Variants in YME1L1 observed in about 807,000 individuals in gnomAD.
YME1L1 encodes YME1 like 1 ATPase.
Under a neutral mutation model 90.4 loss-of-function variants are expected in YME1L1, and 39 were observed. The ratio of observed to expected loss-of-function variants is 0.43; its 90% CI spans 0.33 to 0.56. The LOEUF (loss-of-function observed/expected upper bound fraction) is 0.56. Among genes scored for constraint, YME1L1 ranks in the 20% least tolerant of loss-of-function variants. The pLI is 0.03. For missense variants in YME1L1, 617 were observed against 868.4 expected (o/e 0.71, Z 3.64); for synonymous variants, 284 against 287.3 (o/e 0.99, Z 0.12).
Position 27,116,143 on chromosome 10 carries a change from A to C in YME1L1, c.1847-10T>G. On this transcript the variant is annotated splice_polypyrimidine_tract_variant and intron_variant, in intron 16 of 18. Transcript: ENST00000376016. The stretch of plus-strand genomic sequence containing the variant: ...AAATCACTGGAAGCACCTAAAATAA[A>C]ATAAAAACATACCATTTTAAAACAT... 1 of 1,613,726 alleles carries C rather than the reference A, an allele frequency of 6.2e-7. No homozygotes were observed. The highest frequency in any genetic ancestry group is 8.5e-7 in the Non-Finnish European group (1 of 1,179,870).
chr10:27,128,720 C>T (rs1011923304), intron 8 of YME1L1, among the ~76,000 whole-genome samples: 45 of 151,096 alleles, frequency 3.0e-4, no homozygotes, highest in South Asian at 4.2e-4. Context: ...GCCTGGGCAA[C>T]GCAGCTAAAT....
intron 10 of YME1L1, 36 bp from the exon 11 acceptor site, chr10:27,123,009 A>T (rs1380940471): frequency 2.5e-6 from 4 of 1,597,776 alleles, no homozygotes; most frequent in Middle Eastern, 1.7e-4. Flanking sequence ...AAGCTGAAAG[A>T]AAGTCAACAC....
intron 7 of YME1L1, among the ~76,000 whole-genome samples, chr10:27,133,144 A>C (rs1274812812): frequency 6.6e-6 from 1 of 152,246 alleles, no homozygotes; most frequent in African/African-American, 2.4e-5. Flanking sequence ...ATTGAGGCTT[A>C]ACACATTATT....
At chr10:27,117,845 C>T in intron 14 of YME1L1, 118 bp from the exon 15 acceptor site, 4 of 1,025,086 alleles carry the variant, frequency 3.9e-6, no homozygotes, top group Non-Finnish European at 5.7e-6. Flanking sequence ...ATTCTGCATC[C>T]ATAGATTCAA....
intron 3 of YME1L1, among the ~76,000 whole-genome samples, chr10:27,144,711 C>A (rs1466255309): frequency 6.6e-6 from 1 of 152,062 alleles, no homozygotes; most frequent in Non-Finnish European, 1.5e-5. Context: ...CAAACAACGC[C>A]CCCCCATTCT....
At chr10:27,138,739 TATA>T (rs1168217446) in intron 4 of YME1L1, among the ~76,000 whole-genome samples, 4 of 152,164 alleles carry the variant, frequency 2.6e-5, no homozygotes, top group African/African-American at 9.6e-5. Context: ...ACCTGCAAAT[TATA>T]ATTTTACTCC....
chr10:27,140,707 G>A (rs555317349), intron 4 of YME1L1, among the ~76,000 whole-genome samples: 2 of 152,062 alleles, frequency 1.3e-5, no homozygotes, highest in East Asian at 3.9e-4. Context: ...TTGAACTTCT[G>A]ACCTTGTGAT....
chr10:27,117,620 T>C lies in YME1L1; in HGVS notation c.1675A>G (p.Ile559Val), dbSNP rs200047558. 51 of 1,614,088 alleles carry C rather than the reference T, an allele frequency of 3.2e-5. No homozygotes were observed. The highest frequency in any genetic ancestry group is 9.9e-5 in the South Asian group (9 of 91,082). Residue 559 changes from isoleucine (I) to valine (V), a missense_variant, in exon 15 of 19, where the codon ATC (isoleucine) becomes GTC (valine). Physicochemically the swap from Ile to Val is conservative, Grantham distance 29. Coordinates refer to ENST00000376016, the MANE Select transcript of YME1L1 (RefSeq NM_014263.4). ...IAYYTKDAMPINKATIMPRGP... is the reference protein window; with the variant it reads ...IAYYTKDAMPVNKATIMPRGP... ...CGTGGCATGATTGTAGCTTTGTTGA[T>C]AGGCATTGCATCTTTTGTGTAATAT... is the stretch of plus-strand genomic sequence containing the variant.
chr10:27,145,774 T>C lies in YME1L1; in HGVS notation c.169-184A>G, dbSNP rs190308833. The C allele has an allele frequency of 1.3e-5, 6 of 477,696 alleles. No homozygotes were observed. In the South Asian group the frequency reaches 2.6e-4, roughly 21 times the overall value. 29.6% of individuals were successfully genotyped at this position (477,696 alleles called of 1,614,324 possible). A position where few individuals can be genotyped will look rare whatever the true frequency, so the allele number is the denominator to read the frequency against. On this transcript the variant is annotated intron_variant, in intron 2 of 18. Transcript: ENST00000376016. ...GTTCGTTTTACTGAGATCAGTCATA[T>C]GAGGTTTGACATAGGTTAAAAAATT... is the stretch of plus-strand genomic sequence containing the variant.
chr10:27,122,535 C>T (rs981680529), intron 11 of YME1L1, among the ~76,000 whole-genome samples: 6 of 152,126 alleles, frequency 3.9e-5, no homozygotes, highest in South Asian at 4.2e-4. Flanking sequence ...CTACTAGTCT[C>T]GGCATAAATC....
rs1023913609 is a variant in YME1L1 at position 27,120,412 on chromosome 10, C to G, written c.1411+23G>C. On this transcript the variant is annotated intron_variant, in intron 13 of 18. Coordinates refer to ENST00000376016, the MANE Select transcript of YME1L1 (RefSeq NM_014263.4). ...GTATATTACCACTTTACAGAAATGA[C>G]AAATGTTTGTTTTGATACTTACATT... The G allele has an allele frequency of 1.6e-5, 25 of 1,558,344 alleles. No individual in the cohort carries two copies. The East Asian group carries it at 5.4e-4, about 34-fold the overall frequency.
At chr10:27,143,581 C>T (rs1409460672) in intron 3 of YME1L1, among the ~76,000 whole-genome samples, 1 of 149,440 alleles carries the variant, frequency 6.7e-6, no homozygotes, top group Non-Finnish European at 1.5e-5. Context: ...GCGTGTAGTC[C>T]CAGCTGCTCG....
At chr10:27,147,695 G>T (rs1275122821) in intron 2 of YME1L1, 1 of 1,549,076 alleles carries the variant, frequency 6.5e-7, no homozygotes, top group African/African-American at 1.4e-5. Context: ...TTTGATTCCT[G>T]GTTGTGGTAT....
intron 13 of YME1L1, 50 bp downstream of exon 13, chr10:27,120,385 T>C (rs2056854741): frequency 1.5e-6 from 2 of 1,313,932 alleles, no homozygotes; most frequent in East Asian, 4.7e-5. Flanking sequence ...ACAGGGTGAG[T>C]GGTATATTAC....
chr10:27,120,161 A>ATG (rs989770279), intron 13 of YME1L1, among the ~76,000 whole-genome samples: 14 of 152,066 alleles, frequency 9.2e-5, no homozygotes, highest in South Asian at 6.2e-4. Flanking sequence ...TCTTAAAAAA[A>ATG]TGTGTGTGTG....
intron 2 of YME1L1, chr10:27,147,113 T>C (rs755064071): frequency 9.3e-6 from 4 of 431,104 alleles, no homozygotes; most frequent in Non-Finnish European, 1.6e-5. Flanking sequence ...AGATAGGTTA[T>C]GGCCAAACTG....
intron 1 of YME1L1, among the ~76,000 whole-genome samples, chr10:27,151,202 G>C (rs969800556): frequency 8.5e-5 from 13 of 152,088 alleles, no homozygotes; most frequent in Non-Finnish European, 1.5e-5. Flanking sequence ...GATTACATGC[G>C]TGAGTCCCCG....
At position 27,134,029 on chromosome 10, in the gene YME1L1, A is replaced by G; in HGVS notation, c.775+10T>C. The stretch of plus-strand genomic sequence containing the variant: ...AAGAAATAAGTTAGACAAATAAAAA[A>G]AGCTTTTACCAGATAAAAATGGGTT... On this transcript the variant is annotated intron_variant, in intron 7 of 18. Coordinates refer to ENST00000376016, the MANE Select transcript of YME1L1 (RefSeq NM_014263.4). The G allele has an allele frequency of 6.3e-7, 1 of 1,585,128 alleles. No homozygotes were observed. Among genetic ancestry groups the G allele is most frequent in the Non-Finnish European group, 8.6e-7 (1 of 1,160,996 alleles).
intron 7 of YME1L1, 52 bp from the exon 8 acceptor site, chr10:27,131,993 T>C (rs2056982012): frequency 1.4e-6 from 2 of 1,472,474 alleles, no homozygotes; most frequent in Non-Finnish European, 1.9e-6. Context: ...AACATTCCAA[T>C]CACCTTGTTT....
Sources: gnomAD v4.1 joint callset for allele counts (sites outside exome capture counted in the v4.1 genomes callset) on GRCh38, gnomAD v4.1.1 for gene constraint, MANE v1.5 for transcripts, NCBI Gene and HGNC (gene_info 2026-07-23, HGNC 2026-07-21) for gene names.